DIAPH3: variants seen among roughly 807,000 people sequenced by gnomAD.
DIAPH3 encodes the protein protein diaphanous homolog 3.
DIAPH3 carries 117 observed loss-of-function variants against 144.3 expected under a neutral mutation model. The observed-to-expected ratio is 0.81, with a 90% confidence interval of 0.70 to 0.95. The LOEUF (loss-of-function observed/expected upper bound fraction) is 0.95. Ranked by LOEUF, DIAPH3 falls within the 40% of genes least tolerant of loss-of-function variation. The pLI, the probability that DIAPH3 is intolerant of heterozygous loss-of-function variation, is 0.00. For synonymous variants in DIAPH3, 519 were observed against 488.9 expected (o/e 1.06, Z -0.81); for missense variants, 1,421 against 1,412.7 (o/e 1.01, Z -0.09).
intron 27 of DIAPH3, among the ~76,000 whole-genome samples, chr13:59,714,410 C>A (rs1295556670): frequency 6.6e-6 from 1 of 150,880 alleles, no homozygotes; most frequent in African/African-American, 2.4e-5. Flanking sequence ...TGGTACACAC[C>A]TGTAGTCCCA....
At chr13:59,956,808 G>A (rs1010659847) in intron 17 of DIAPH3, among the ~76,000 whole-genome samples, 7 of 152,214 alleles carry the variant, frequency 4.6e-5, no homozygotes, top group African/African-American at 1.2e-4. Context: ...AGACCACAGA[G>A]GCAGAGCTGC....
intron 4 of DIAPH3, among the ~76,000 whole-genome samples, chr13:60,087,178 C>T (rs944357323): frequency 4.7e-4 from 71 of 152,138 alleles, no homozygotes; most frequent in Admixed American, 3.3e-3. Flanking sequence ...TTTCAACCTA[C>T]GGTTAGTTGA....
At chr13:59,950,222 T>C (rs754791268) in intron 17 of DIAPH3, among the ~76,000 whole-genome samples, 4 of 152,170 alleles carry the variant, frequency 2.6e-5, no homozygotes, top group Non-Finnish European at 1.5e-5. Context: ...CACAACTCTT[T>C]CTAGGTTCAT....
At chr13:59,898,619 T>C (rs1343382173) in intron 20 of DIAPH3, among the ~76,000 whole-genome samples, 1 of 152,178 alleles carries the variant, frequency 6.6e-6, no homozygotes, top group African/African-American at 2.4e-5. Context: ...TAATACCATA[T>C]ATTGTTTGAG....
intron 24 of DIAPH3, among the ~76,000 whole-genome samples, chr13:59,822,588 G>A (rs1366921409): frequency 6.6e-6 from 1 of 151,956 alleles, no homozygotes; most frequent in Non-Finnish European, 1.5e-5. Context: ...CTACAGGTGT[G>A]CACCAACATG....
intron 25 of DIAPH3, among the ~76,000 whole-genome samples, chr13:59,806,431 T>C (rs2040195879): frequency 6.6e-6 from 1 of 152,014 alleles, no homozygotes; most frequent in Non-Finnish European, 1.5e-5. Flanking sequence ...AAAAACCACA[T>C]ACACTAATTA....
At chr13:60,047,868 A>T (rs979409567) in intron 4 of DIAPH3, among the ~76,000 whole-genome samples, 3 of 152,192 alleles carry the variant, frequency 2.0e-5, no homozygotes, top group African/African-American at 7.2e-5. Flanking sequence ...ACAGTTAAGA[A>T]CTGTATAGTG....
intron 1 of DIAPH3, among the ~76,000 whole-genome samples, chr13:60,150,824 T>C (rs971501952): frequency 2.6e-5 from 4 of 152,114 alleles, no homozygotes; most frequent in African/African-American, 7.2e-5. Flanking sequence ...TTCTACCTTA[T>C]GTGAGGTGTG....
At chr13:60,001,842 T>C (rs1326902276) in intron 9 of DIAPH3, among the ~76,000 whole-genome samples, 1 of 152,170 alleles carries the variant, frequency 6.6e-6, no homozygotes, top group Non-Finnish European at 1.5e-5. Flanking sequence ...GGGAGCTTCC[T>C]GGAGAAAAAA....
chr13:59,882,272 TAG>T (rs2140073169), intron 20 of DIAPH3, among the ~76,000 whole-genome samples: 1 of 152,186 alleles, frequency 6.6e-6, no homozygotes, highest in South Asian at 2.1e-4. Context: ...GTATTTTTAG[TAG>T]AGACAGTGTT....
chr13:59,758,451 T>C (rs1328110965), intron 27 of DIAPH3, among the ~76,000 whole-genome samples: 1 of 152,176 alleles, frequency 6.6e-6, no homozygotes, highest in Admixed American at 6.5e-5. Context: ...GTAAAGCTAG[T>C]TTATGCTCAG....
intron 21 of DIAPH3, among the ~76,000 whole-genome samples, chr13:59,869,546 C>T (rs2044131239): frequency 6.6e-6 from 1 of 152,122 alleles, no homozygotes; most frequent in Admixed American, 6.5e-5. Flanking sequence ...TTTAACAAGG[C>T]CTCTAAAAAA....
chr13:59,690,978 G>A (rs1423198200), intron 27 of DIAPH3, among the ~76,000 whole-genome samples: 1 of 152,158 alleles, frequency 6.6e-6, no homozygotes, highest in Non-Finnish European at 1.5e-5. Flanking sequence ...TAGACCTCCA[G>A]GGGATTTACT....
At chr13:60,063,071 C>T (rs1327119011) in intron 4 of DIAPH3, among the ~76,000 whole-genome samples, 4 of 152,208 alleles carry the variant, frequency 2.6e-5, no homozygotes, top group Admixed American at 6.5e-5. Context: ...TAGCATTTTA[C>T]TTTCAAACTT....
chr13:59,954,389 G>C (rs1323397183), intron 17 of DIAPH3, among the ~76,000 whole-genome samples: 2 of 152,000 alleles, frequency 1.3e-5, no homozygotes, highest in East Asian at 1.9e-4. Flanking sequence ...CAGCTGCTCT[G>C]GCCTTATAAC....
chr13:60,101,471 C>T (rs897701875), intron 3 of DIAPH3, among the ~76,000 whole-genome samples: 3 of 151,912 alleles, frequency 2.0e-5, no homozygotes, highest in Non-Finnish European at 4.4e-5. Flanking sequence ...TGTGGCCCAA[C>T]ATAAATTCAA....
chr13:59,953,107 G>GA (rs2049186403), intron 17 of DIAPH3, among the ~76,000 whole-genome samples: 3 of 152,106 alleles, frequency 2.0e-5, no homozygotes, highest in Admixed American at 2.0e-4. Context: ...GATTAATTTG[G>GA]GAGTTGAGCA....
intron 20 of DIAPH3, among the ~76,000 whole-genome samples, chr13:59,884,885 A>G (rs140121969): frequency 1.4e-4 from 21 of 152,244 alleles, no homozygotes; most frequent in African/African-American, 4.8e-4. Flanking sequence ...TAAAGCTGCT[A>G]TGCTAAAGTT....
intron 22 of DIAPH3, among the ~76,000 whole-genome samples, chr13:59,851,861 G>A (rs188250834): frequency 2.6e-5 from 4 of 152,098 alleles, no homozygotes; most frequent in Non-Finnish European, 2.9e-5. Flanking sequence ...CTCATGATCC[G>A]CACGCCTCGG....
Sources: gnomAD v4.1 joint callset for allele counts (sites outside exome capture counted in the v4.1 genomes callset) on GRCh38, gnomAD v4.1.1 for gene constraint, MANE v1.5 for transcripts, NCBI Gene and HGNC (gene_info 2026-07-23, HGNC 2026-07-21) for gene names.